The following SGCD variants were observed in gnomAD, a reference collection of about 807,000 sequenced individuals.
SGCD encodes delta-sarcoglycan.
Under a neutral mutation model 36.6 loss-of-function variants are expected in SGCD, and 18 were observed. That is an observed-to-expected ratio of 0.49 (90% confidence interval 0.34 to 0.73). The LOEUF (loss-of-function observed/expected upper bound fraction) is 0.73. Among genes scored for constraint, SGCD ranks in the 30% least tolerant of loss-of-function variants. The pLI is 0.01. For synonymous variants in SGCD, 133 were observed against 130.6 expected (o/e 1.02, Z -0.12); for missense variants, 387 against 346.7 (o/e 1.12, Z -0.92).
At chr5:155,853,470 A>G in the SGCD span, among the ~76,000 whole-genome samples, 1 of 152,108 alleles carries the variant, frequency 6.6e-6, no homozygotes, top group Non-Finnish European at 1.5e-5. Context: ...ATGCTATTTG[A>G]ACAATTGTTG....
At chr5:156,220,405 C>T (rs1298963965) in intron 3 of SGCD, among the ~76,000 whole-genome samples, 1 of 152,092 alleles carries the variant, frequency 6.6e-6, no homozygotes. Context: ...AATAGATCAG[C>T]TTTTTCTGAC....
intron 4 of SGCD, among the ~76,000 whole-genome samples, chr5:156,529,927 C>A (rs1315286510): frequency 5.3e-5 from 8 of 152,086 alleles, no homozygotes; most frequent in Non-Finnish European, 1.0e-4. Context: ...TAGGCAAATA[C>A]CAAATGGTCT....
intron 4 of SGCD, among the ~76,000 whole-genome samples, chr5:156,554,314 C>T (rs529556158): frequency 6.7e-6 from 1 of 149,510 alleles, no homozygotes; most frequent in Non-Finnish European, 1.5e-5. Flanking sequence ...GAGATCACGC[C>T]ACTGCACTCC....
the SGCD span, among the ~76,000 whole-genome samples, chr5:155,755,324 A>T: frequency 2.6e-5 from 4 of 152,334 alleles, no homozygotes; most frequent in East Asian, 7.7e-4. Flanking sequence ...CACAAAAATA[A>T]CATTTTCATA....
chr5:156,240,408 C>T (rs1212166573), intron 3 of SGCD, among the ~76,000 whole-genome samples: 2 of 152,068 alleles, frequency 1.3e-5, no homozygotes, highest in Admixed American at 6.6e-5. Flanking sequence ...AAAAGATCAT[C>T]TCTGACCTCA....
intron 3 of SGCD, among the ~76,000 whole-genome samples, chr5:156,491,068 G>T (rs1034541247): frequency 2.6e-5 from 4 of 151,866 alleles, no homozygotes; most frequent in African/African-American, 9.7e-5. Context: ...AAAAAGAAAT[G>T]AAGCAGTCTC....
upstream of SGCD, among the ~76,000 whole-genome samples, chr5:155,869,997 TCAACAACAACAACAA>T (rs34754949): frequency 6.6e-6 from 1 of 150,954 alleles, no homozygotes; most frequent in Non-Finnish European, 1.5e-5. Flanking sequence ...AGACTCCGTC[TCAACAACAACAACAA>T]CAACAACAAC....
chr5:155,992,014 C>A (rs1046777456), intron 1 of SGCD, among the ~76,000 whole-genome samples: 2 of 152,162 alleles, frequency 1.3e-5, no homozygotes, highest in Admixed American at 1.3e-4. Context: ...CACTTTTCTT[C>A]CTCCCTTATG....
chr5:156,394,200 G>T (rs914484939), intron 3 of SGCD, among the ~76,000 whole-genome samples: 1 of 152,156 alleles, frequency 6.6e-6, no homozygotes, highest in Non-Finnish European at 1.5e-5. Flanking sequence ...TGTTTGGGGG[G>T]TGGTGGGAAG....
intron 3 of SGCD, among the ~76,000 whole-genome samples, chr5:156,229,277 CATATAT>C (rs570200528): frequency 1.2e-4 from 7 of 56,474 alleles, no homozygotes; most frequent in South Asian, 1.3e-3. Context: ...TATATACATA[CATATAT>C]ATATATATAT....
At chr5:156,164,595 T>G (rs1413209502) in intron 3 of SGCD, among the ~76,000 whole-genome samples, 8 of 152,236 alleles carry the variant, frequency 5.3e-5, no homozygotes, top group Non-Finnish European at 8.8e-5. Flanking sequence ...CCATTTATAT[T>G]CATTTGATAT....
At chr5:156,582,213 C>A (rs987990875) in intron 4 of SGCD, among the ~76,000 whole-genome samples, 2 of 152,130 alleles carry the variant, frequency 1.3e-5, no homozygotes, top group African/African-American at 4.8e-5. Context: ...GAAATTGTAA[C>A]CTTGGAAACA....
chr5:156,184,437 A>T (rs139168355), intron 3 of SGCD, among the ~76,000 whole-genome samples: 3 of 151,430 alleles, frequency 2.0e-5, no homozygotes, highest in Non-Finnish European at 4.4e-5. Flanking sequence ...TGCAAATAGT[A>T]CTTGGATAAA....
At chr5:155,790,170 T>A in the SGCD span, among the ~76,000 whole-genome samples, 6 of 152,094 alleles carry the variant, frequency 3.9e-5, no homozygotes, top group Non-Finnish European at 8.8e-5. Context: ...GGAAATTTTC[T>A]AGTTTTTTAA....
chr5:156,117,231 T>C (rs749888111), intron 1 of SGCD, among the ~76,000 whole-genome samples: 8 of 152,052 alleles, frequency 5.3e-5, no homozygotes, highest in Non-Finnish European at 8.8e-5. Flanking sequence ...CGCAAACACA[T>C]TGTTGCCCAT....
At chr5:155,797,697 C>T in the SGCD span, among the ~76,000 whole-genome samples, 1 of 152,206 alleles carries the variant, frequency 6.6e-6, no homozygotes, top group Admixed American at 6.5e-5. Flanking sequence ...AATCCCCAAG[C>T]TCTCAGAGCT....
At chr5:156,602,365 T>G (rs1183553988) in intron 6 of SGCD, among the ~76,000 whole-genome samples, 1 of 152,178 alleles carries the variant, frequency 6.6e-6, no homozygotes, top group Non-Finnish European at 1.5e-5. Context: ...GGTGGAATCT[T>G]TAGGGTTTTC....
chr5:156,173,638 T>G (rs1196887023), intron 3 of SGCD, among the ~76,000 whole-genome samples: 1 of 152,180 alleles, frequency 6.6e-6, no homozygotes, highest in Non-Finnish European at 1.5e-5. Context: ...ATAGAGACAT[T>G]TTTTATTTCC....
At chr5:156,044,075 G>A (rs905962862) in intron 1 of SGCD, among the ~76,000 whole-genome samples, 2 of 152,142 alleles carry the variant, frequency 1.3e-5, no homozygotes, top group African/African-American at 4.8e-5. Flanking sequence ...AGCACCCTAT[G>A]CTTTCAGAGG....
Sources: gnomAD v4.1 joint callset for allele counts (sites outside exome capture counted in the v4.1 genomes callset) on GRCh38, gnomAD v4.1.1 for gene constraint, MANE v1.5 for transcripts, NCBI Gene and HGNC (gene_info 2026-07-23, HGNC 2026-07-21) for gene names.